The following FANCB variants were observed in gnomAD, a reference collection of about 807,000 sequenced individuals.
The protein encoded by FANCB is Fanconi anemia group B protein.
In FANCB, 5 loss-of-function variants were observed where a neutral mutation model predicts 38.9. The ratio of observed to expected loss-of-function variants is 0.13; its 90% CI spans 0.07 to 0.27. The LOEUF (loss-of-function observed/expected upper bound fraction) is 0.27. FANCB is among the 10% of genes least tolerant of loss of function. The probability of loss-of-function intolerance (pLI) is 1.00; values close to 1 mark genes in which losing one functional copy is unlikely to be tolerated. For synonymous variants in FANCB, 236 were observed against 215.4 expected (o/e 1.10, Z -0.84); for missense variants, 573 against 602.7 (o/e 0.95, Z 0.52).
intron 5 of FANCB, among the ~76,000 whole-genome samples, chrX:14,856,485 A>G (rs898009267): frequency 2.7e-5 from 3 of 111,840 alleles, no homozygotes; most frequent in African/African-American, 9.7e-5. Flanking sequence ...AAAATTTTGA[A>G]TAGATCAATG....
Position 14,844,673 on chromosome X carries a change from G to A in FANCB, c.1995C>T (p.Pro665=), listed in dbSNP as rs192743430. The A allele has an allele frequency of 4.1e-5, 50 of 1,208,872 alleles. No individual in the cohort carries two copies. The Admixed American group carries it at 8.1e-4, about 20-fold the overall frequency. ...FHKSCFQITS[P]GYALNSMKVW... ...CCTTCATTGAATTCAGGGCATAGCC[G>A]GGTGATGTGATTTGAAAACAAGATT... The change falls in exon 9 of 10, where the codon CCC becomes CCT. Residue 665 remains proline (P), a synonymous_variant. Transcript: ENST00000650831.
the FANCB span, among the ~76,000 whole-genome samples, chrX:14,797,679 T>TAA: frequency 1.2e-5 from 1 of 82,971 alleles, no homozygotes. Context: ...GAGATTCCAT[T>TAA]AAAAAAAAAA....
At chrX:14,715,056 T>C in the FANCB span, among the ~76,000 whole-genome samples, 1 of 112,661 alleles carries the variant, frequency 8.9e-6, no homozygotes, top group African/African-American at 3.2e-5. Flanking sequence ...TTTTGAATTG[T>C]AAACACATAC....
chrX:14,712,152 A>G, the FANCB span, among the ~76,000 whole-genome samples: 1 of 112,871 alleles, frequency 8.9e-6, no homozygotes, highest in African/African-American at 3.2e-5. Flanking sequence ...ACATTATATT[A>G]TAGTCATTTG....
the FANCB span, among the ~76,000 whole-genome samples, chrX:14,699,646 G>T: frequency 1.8e-5 from 2 of 111,555 alleles, no homozygotes; most frequent in Admixed American, 1.9e-4. Flanking sequence ...ACCCAACTGT[G>T]CAATAGAAGA....
the FANCB span, among the ~76,000 whole-genome samples, chrX:14,745,070 C>T: frequency 1.2e-3 from 136 of 111,938 alleles, no homozygotes; most frequent in Non-Finnish European, 1.4e-3. Flanking sequence ...AGACCCCAAA[C>T]CTCAGGATTG....
the FANCB span, among the ~76,000 whole-genome samples, chrX:14,724,625 T>TTAAA: frequency 9.3e-5 from 1 of 10,810 alleles, no homozygotes; most frequent in Non-Finnish European, 1.5e-4. Context: ...AAACTCTGTC[T>TTAAA]CAAAAAAAAA....
the FANCB span, chrX:14,730,222 C>T: frequency 8.3e-7 from 1 of 1,200,338 alleles, no homozygotes; most frequent in Non-Finnish European, 1.1e-6. Context: ...AGACGTTACT[C>T]GTGAAAGTCG....
At chrX:14,849,932 G>A (rs1316518294) in intron 7 of FANCB, among the ~76,000 whole-genome samples, 1 of 112,227 alleles carries the variant, frequency 8.9e-6, no homozygotes, top group Non-Finnish European at 1.9e-5. Flanking sequence ...TGTTATACAT[G>A]TAAAATACAC....
chrX:14,841,538 T>C (rs368952214), downstream of FANCB, among the ~76,000 whole-genome samples: 76 of 112,083 alleles, frequency 6.8e-4, no homozygotes, highest in African/African-American at 2.3e-3. Context: ...TGTGTACTAT[T>C]AGAATTCTTG....
intron 6 of FANCB, among the ~76,000 whole-genome samples, chrX:14,851,043 A>G (rs2092399419): frequency 8.9e-6 from 1 of 112,004 alleles, no homozygotes; most frequent in Non-Finnish European, 1.9e-5. Context: ...CACTAAGCCT[A>G]TAACTGTAAA....
the FANCB span, among the ~76,000 whole-genome samples, chrX:14,784,753 T>C: frequency 8.9e-6 from 1 of 111,831 alleles, no homozygotes; most frequent in Non-Finnish European, 1.9e-5. Context: ...AGCAAAGACA[T>C]AGAAGCAACC....
the FANCB span, chrX:14,731,482 T>C: frequency 0.27 from 29,638 of 110,922 alleles, 3,087 homozygotes; most frequent in Non-Finnish European, 0.32. Context: ...TCTGCTCTCA[T>C]TGTAGGTGTA....
the FANCB span, among the ~76,000 whole-genome samples, chrX:14,780,675 C>T: frequency 2.7e-5 from 3 of 110,671 alleles, no homozygotes; most frequent in Admixed American, 9.5e-5. Flanking sequence ...AATTACTCAA[C>T]CCTGCATTGC....
At chrX:14,794,976 G>A in the FANCB span, among the ~76,000 whole-genome samples, 1 of 112,475 alleles carries the variant, frequency 8.9e-6, no homozygotes, top group Non-Finnish European at 1.9e-5. Context: ...GGCTCTTTGA[G>A]TGAACATGCC....
At chrX:14,706,597 C>G in the FANCB span, among the ~76,000 whole-genome samples, 2 of 111,774 alleles carry the variant, frequency 1.8e-5, no homozygotes, top group Non-Finnish European at 3.8e-5. Context: ...AGAGTAATCA[C>G]TAAGTAGCCT....
At chrX:14,809,039 C>T in the FANCB span, among the ~76,000 whole-genome samples, 1 of 111,902 alleles carries the variant, frequency 8.9e-6, no homozygotes, top group Non-Finnish European at 1.9e-5. Context: ...TTGAAGAGGA[C>T]ACCAAAAAAT....
At chrX:14,851,228 G>C (rs759070120) in intron 6 of FANCB, among the ~76,000 whole-genome samples, 3 of 111,982 alleles carry the variant, frequency 2.7e-5, no homozygotes, top group Non-Finnish European at 5.6e-5. Context: ...AACATCTATT[G>C]AGTGTTTACT....
the FANCB span, among the ~76,000 whole-genome samples, chrX:14,690,266 T>G: frequency 8.9e-6 from 1 of 112,221 alleles, no homozygotes; most frequent in Non-Finnish European, 1.9e-5. Flanking sequence ...TTTGTTTTTC[T>G]TGTCTAATTA....
Sources: allele counts gnomAD v4.1 joint callset (sites outside exome capture counted in the v4.1 genomes callset), GRCh38; gene constraint gnomAD v4.1.1; transcripts MANE v1.5; gene names NCBI Gene and HGNC (gene_info 2026-07-23, HGNC 2026-07-21).